Variants in DIAPH2 observed in about 807,000 individuals in gnomAD.
DIAPH2 encodes the protein diaphanous related formin 2, also known as protein diaphanous homolog 2.
A neutral mutation model predicts 92.7 loss-of-function variants in DIAPH2; 35 were observed. That is an observed-to-expected ratio of 0.38 (90% confidence interval 0.29 to 0.50). The LOEUF (loss-of-function observed/expected upper bound fraction) is 0.50. Ranked by LOEUF, DIAPH2 falls within the 20% of genes least tolerant of loss-of-function variation. DIAPH2 has a pLI of 0.94. For synonymous variants in DIAPH2, 301 were observed against 280.4 expected, an observed-to-expected ratio of 1.07 and a Z score of -0.73; for missense variants, 701 against 819.5, an observed-to-expected ratio of 0.86 and a Z score of 1.77.
At chrX:96,764,735 G>T (rs997043784) in intron 4 of DIAPH2, among the ~76,000 whole-genome samples, 1 of 111,408 alleles carries the variant, frequency 9.0e-6, no homozygotes, top group East Asian at 2.8e-4. Flanking sequence ...AGTCTGAGAA[G>T]TATACTTCAC....
chrX:96,990,195 C>G (rs1378950474), intron 17 of DIAPH2, among the ~76,000 whole-genome samples: 1 of 112,067 alleles, frequency 8.9e-6, no homozygotes, highest in Non-Finnish European at 1.9e-5. Flanking sequence ...GCTATTTGTG[C>G]CAGGCTTGGA....
chrX:97,560,207 A>G (rs2071284548), intron 26 of DIAPH2, among the ~76,000 whole-genome samples: 1 of 112,121 alleles, frequency 8.9e-6, no homozygotes, highest in African/African-American at 3.2e-5. Flanking sequence ...ATCATTTCCC[A>G]TCTGTATACA....
chrX:97,033,198 A>G (rs899332475), intron 17 of DIAPH2, among the ~76,000 whole-genome samples: 1 of 112,457 alleles, frequency 8.9e-6, no homozygotes, highest in Admixed American at 9.4e-5. Context: ...AGATACATCT[A>G]GACTAGATAT....
At chrX:96,968,183 C>A (rs1387032791) in intron 17 of DIAPH2, among the ~76,000 whole-genome samples, 2 of 109,569 alleles carry the variant, frequency 1.8e-5, no homozygotes, top group Non-Finnish European at 3.8e-5. Context: ...TCATGTTTGT[C>A]AGCCTCTTGT....
chrX:97,267,020 G>A (rs2147578620), intron 23 of DIAPH2, among the ~76,000 whole-genome samples: 1 of 112,086 alleles, frequency 8.9e-6, no homozygotes, highest in Admixed American at 9.5e-5. Flanking sequence ...AGGTTGCAAA[G>A]TACAGCTAAC....
chrX:97,545,533 A>AAAAAATAT (rs1260118151), intron 26 of DIAPH2, among the ~76,000 whole-genome samples: 185 of 79,317 alleles, frequency 2.3e-3, no homozygotes, highest in African/African-American at 8.4e-3. Flanking sequence ...AAAAAAAAAA[A>AAAAAATAT]ATATATATAT....
chrX:96,799,004 C>T (rs192825734), intron 4 of DIAPH2, among the ~76,000 whole-genome samples: 6 of 109,723 alleles, frequency 5.5e-5, no homozygotes, highest in African/African-American at 2.0e-4. Flanking sequence ...TAAACTTGTA[C>T]GGATTGATAT....
intron 26 of DIAPH2, among the ~76,000 whole-genome samples, chrX:97,556,736 C>T (rs1000291816): frequency 2.7e-5 from 3 of 111,836 alleles, no homozygotes; most frequent in South Asian, 3.8e-4. Flanking sequence ...CATGTATTTT[C>T]GGGGGACACA....
In DIAPH2 at chrX:97,027,509, A is replaced by G. The variant is rs149341838; in HGVS notation, c.2051-45432A>G. Among the ~76,000 whole-genome samples, 7 of 112,215 alleles carry G rather than the reference A, an allele frequency of 6.2e-5. No homozygotes were observed. The East Asian group carries it at 2.0e-3, about 31-fold the overall frequency. On this transcript the variant is annotated intron_variant, in intron 17 of 26. Transcript: ENST00000324765. ...TAATTCTAAGTGATATGTGCCTTAT[A>G]AATATACTTGTAGTAGTGCTACAAA...
intron 26 of DIAPH2, among the ~76,000 whole-genome samples, chrX:97,497,571 C>T (rs1220192996): frequency 9.1e-6 from 1 of 110,115 alleles, no homozygotes; most frequent in Non-Finnish European, 1.9e-5. Flanking sequence ...TTTAGGAGGC[C>T]GAGTTTGGCG....
intron 22 of DIAPH2, among the ~76,000 whole-genome samples, chrX:97,209,667 A>G (rs968480238): frequency 4.5e-5 from 5 of 111,096 alleles, no homozygotes; most frequent in Non-Finnish European, 7.6e-5. Flanking sequence ...ACAGTTAATT[A>G]TAATTATCAA....
chrX:97,273,847 C>A (rs2068411468), intron 23 of DIAPH2, among the ~76,000 whole-genome samples: 1 of 111,451 alleles, frequency 9.0e-6, no homozygotes, highest in African/African-American at 3.3e-5. Flanking sequence ...AATACTTGAG[C>A]CTTAGGAAAC....
At chrX:97,201,131 A>AAACCCCCCC (rs2067744769) in intron 22 of DIAPH2, among the ~76,000 whole-genome samples, 1 of 68,903 alleles carries the variant, frequency 1.5e-5, no homozygotes, top group African/African-American at 5.9e-5. Flanking sequence ...AACAAGAAAG[A>AAACCCCCCC]CCCCCCCCCC....
chrX:97,415,787 G>C (rs1315704896), intron 25 of DIAPH2, among the ~76,000 whole-genome samples: 1 of 110,493 alleles, frequency 9.1e-6, no homozygotes, highest in Non-Finnish European at 1.9e-5. Flanking sequence ...AACCAACATG[G>C]CACATGTATA....
intron 21 of DIAPH2, among the ~76,000 whole-genome samples, chrX:97,131,181 C>CA (rs967156655): frequency 3.0e-4 from 32 of 106,840 alleles, no homozygotes; most frequent in South Asian, 3.9e-4. Flanking sequence ...GATTCCCTCA[C>CA]AAAAAAAAAT....
intron 26 of DIAPH2, among the ~76,000 whole-genome samples, chrX:97,589,936 C>T (rs1439572195): frequency 1.8e-5 from 2 of 112,223 alleles, no homozygotes; most frequent in East Asian, 5.6e-4. Flanking sequence ...TTTTGACTGG[C>T]TTCTACCTTA....
intron 17 of DIAPH2, among the ~76,000 whole-genome samples, chrX:97,019,252 A>G (rs181866571): frequency 3.6e-5 from 4 of 111,674 alleles, no homozygotes; most frequent in Non-Finnish European, 5.6e-5. Context: ...TGACTGCTCA[A>G]TCATGGTAAG....
rs145062787 is a variant in DIAPH2, at chrX:96,773,071, A to G, written c.447+14813A>G. 1.9e-4 allele frequency among the ~76,000 whole-genome samples: 21 copies of G among 111,547 alleles called. No individual in the cohort carries two copies. The East Asian group carries it at 5.4e-3, about 28-fold the overall frequency. ...TATCTATTTATCCATCTTTCTGTCT[A>G]TCCTCCCAAAGTTAAATGAGCTTAA... On this transcript the variant is annotated intron_variant, in intron 4 of 26. Transcript: ENST00000324765.
chrX:97,494,519 T>G (rs969534446), intron 26 of DIAPH2, among the ~76,000 whole-genome samples: 4 of 111,878 alleles, frequency 3.6e-5, no homozygotes, highest in Non-Finnish European at 7.5e-5. Context: ...TTTAATTTGT[T>G]CCTTTAGTGT....
Sources: gnomAD v4.1 joint callset for allele counts (sites outside exome capture counted in the v4.1 genomes callset) on GRCh38, gnomAD v4.1.1 for gene constraint, MANE v1.5 for transcripts, NCBI Gene and HGNC (gene_info 2026-07-23, HGNC 2026-07-21) for gene names.